Variants in LRRIQ3 observed in about 807,000 individuals in gnomAD.
LRRIQ3 encodes leucine rich repeats and IQ motif containing 3, also known as leucine-rich repeat and IQ domain-containing protein 3.
LRRIQ3 carries 75 observed loss-of-function variants against 59.3 expected under a neutral mutation model. That is an observed-to-expected ratio of 1.26 (90% confidence interval 1.05 to 1.53). The LOEUF (loss-of-function observed/expected upper bound fraction) is 1.53, where lower values mean the gene tolerates loss of function less well. Among genes scored for constraint, LRRIQ3 ranks in the 40% most tolerant of loss-of-function variants. The pLI is 0.00. For missense variants in LRRIQ3, 831 were observed against 710.0 expected (o/e 1.17, Z -1.94); for synonymous variants, 250 against 231.3 (o/e 1.08, Z -0.73).
intron 6 of LRRIQ3, among the ~76,000 whole-genome samples, chr1:74,047,441 G>T (rs182206622): frequency 2.6e-4 from 40 of 152,168 alleles, no homozygotes; most frequent in African/African-American, 8.9e-4. Flanking sequence ...GGGACCTGTT[G>T]GGGTGTGATG....
At chr1:74,168,707 T>C (rs1371149864) in intron 3 of LRRIQ3, among the ~76,000 whole-genome samples, 1 of 152,070 alleles carries the variant, frequency 6.6e-6, no homozygotes, top group Non-Finnish European at 1.5e-5. Flanking sequence ...ACTTAAACAT[T>C]TTTGGAATTC....
chr1:74,069,936 C>T (rs138432999), intron 6 of LRRIQ3, among the ~76,000 whole-genome samples: 11 of 151,576 alleles, frequency 7.3e-5, no homozygotes, highest in African/African-American at 2.7e-4. Context: ...TGCCATCTCG[C>T]ATTAGTCAGA....
intron 3 of LRRIQ3, among the ~76,000 whole-genome samples, chr1:74,163,391 A>T (rs1285897396): frequency 6.6e-6 from 1 of 151,612 alleles, no homozygotes; most frequent in Non-Finnish European, 1.5e-5. Flanking sequence ...ACTGAGGTAC[A>T]AGATGGCTGT....
At chr1:74,036,886 T>C (rs929745059) in intron 7 of LRRIQ3, among the ~76,000 whole-genome samples, 1 of 152,224 alleles carries the variant, frequency 6.6e-6, no homozygotes, top group Non-Finnish European at 1.5e-5. Context: ...ACTAAGAAGT[T>C]TACTTAGTCT....
At chr1:74,055,917 G>A (rs1654519014) in intron 6 of LRRIQ3, among the ~76,000 whole-genome samples, 1 of 151,964 alleles carries the variant, frequency 6.6e-6, no homozygotes, top group African/African-American at 2.4e-5. Flanking sequence ...GGCCGAGGTG[G>A]GCACATCACG....
chr1:74,175,190 G>A (rs889239809), intron 3 of LRRIQ3, among the ~76,000 whole-genome samples: 1 of 152,132 alleles, frequency 6.6e-6, no homozygotes, highest in Non-Finnish European at 1.5e-5. Flanking sequence ...GGTCAGGTGA[G>A]GCCAGCTGGT....
chr1:74,042,903 A>G (rs1256562227), intron 6 of LRRIQ3, among the ~76,000 whole-genome samples: 2 of 152,210 alleles, frequency 1.3e-5, no homozygotes, highest in African/African-American at 4.8e-5. Flanking sequence ...AGAGATGAGA[A>G]TGAAACCCCA....
chr1:74,107,210 C>A (rs1557618208), intron 5 of LRRIQ3, among the ~76,000 whole-genome samples: 1 of 152,008 alleles, frequency 6.6e-6, no homozygotes, highest in African/African-American at 2.4e-5. Flanking sequence ...TATTCCCAAA[C>A]AGGAGAAGAT....
rs375399678 is a variant in LRRIQ3, at chr1:74,066,876, A to C, written c.997+7785T>G. Among the ~76,000 whole-genome samples, 19 of 152,232 alleles carry C rather than the reference A, an allele frequency of 1.2e-4. No homozygotes were observed. The South Asian group carries it at 3.5e-3, about 28-fold the overall frequency. On this transcript the variant is annotated intron_variant, in intron 6 of 7. Transcript: ENST00000354431. ...AGTATAGCTAGACCATCTGAAACAT[A>C]AGCTAGCTCTAGGGATGCTAAAGCA... is the stretch of plus-strand genomic sequence containing the variant.
At chr1:74,188,408 G>A (rs1650548229) in intron 1 of LRRIQ3, among the ~76,000 whole-genome samples, 1 of 152,044 alleles carries the variant, frequency 6.6e-6, no homozygotes, top group Non-Finnish European at 1.5e-5. Context: ...ATCTATCCCT[G>A]AACTTAAAGC....
intron 5 of LRRIQ3, among the ~76,000 whole-genome samples, chr1:74,096,166 CAG>C (rs1423310070): frequency 6.6e-6 from 1 of 151,930 alleles, no homozygotes; most frequent in East Asian, 1.9e-4. Flanking sequence ...CTTAATAACC[CAG>C]AGATTTTCAT....
chr1:74,035,803 T>C (rs1275200768), intron 7 of LRRIQ3, among the ~76,000 whole-genome samples: 2 of 152,064 alleles, frequency 1.3e-5, no homozygotes, highest in Non-Finnish European at 2.9e-5. Flanking sequence ...CTGCTATAGG[T>C]ACAGGAATAT....
intron 3 of LRRIQ3, among the ~76,000 whole-genome samples, chr1:74,157,114 CT>C (rs1021830016): frequency 6.6e-6 from 1 of 152,048 alleles, no homozygotes; most frequent in African/African-American, 2.4e-5. Context: ...TTGGCTCTGT[CT>C]TTATTCTATT....
chr1:74,121,043 T>C (rs1429388223), intron 4 of LRRIQ3, among the ~76,000 whole-genome samples: 1 of 152,134 alleles, frequency 6.6e-6, no homozygotes, highest in Non-Finnish European at 1.5e-5. Flanking sequence ...ACCAACCTTA[T>C]AAAATGAATA....
In LRRIQ3 at chr1:74,125,005, AT is replaced by A. The variant is rs200162481; in HGVS notation, c.708-15453del. Among the ~76,000 whole-genome samples, 1,052 of 151,592 alleles carry A rather than the reference AT, an allele frequency of 6.9e-3. 14 individuals carry two copies. Among genetic ancestry groups the A allele is most frequent in the African/African-American group, 0.024 (1,011 of 41,428 alleles). Reference sequence around the variant, plus strand: ...CTAATCCAGGAACATATGTATTTCCATTTTTTTTGTATCCTCTTCAATTTCT... The same window carrying A: ...CTAATCCAGGAACATATGTATTTCCATTTTTTTGTATCCTCTTCAATTTCT... On this transcript the variant is annotated intron_variant, in intron 4 of 7. Transcript: ENST00000354431.
At chr1:74,143,358 G>C (rs530896472) in intron 4 of LRRIQ3, among the ~76,000 whole-genome samples, 1 of 152,006 alleles carries the variant, frequency 6.6e-6, no homozygotes, top group Non-Finnish European at 1.5e-5. Context: ...TTCCAAGATA[G>C]CATTGAAAGA....
intron 3 of LRRIQ3, among the ~76,000 whole-genome samples, chr1:74,161,957 C>T (rs1648687749): frequency 6.6e-6 from 1 of 151,786 alleles, no homozygotes; most frequent in Admixed American, 6.6e-5. Flanking sequence ...TGCATTCCCT[C>T]CATTAAAGAA....
At chr1:74,151,007 CTTTCTTTTTTTTTTTTTTTT>C (rs1647899874) in intron 4 of LRRIQ3, among the ~76,000 whole-genome samples, 1 of 118,826 alleles carries the variant, frequency 8.4e-6, no homozygotes, top group African/African-American at 3.1e-5. Flanking sequence ...TTGAATGATG[CTTTCTTTTTTTTTTTTTTTT>C]TTTTTTTTTT....
chr1:74,174,291 G>A (rs999215215), intron 3 of LRRIQ3, among the ~76,000 whole-genome samples: 1 of 150,510 alleles, frequency 6.6e-6, no homozygotes, highest in Non-Finnish European at 1.5e-5. Flanking sequence ...TCTTCTGCTT[G>A]ACTGAGTCTA....
Sources: gnomAD v4.1 joint callset for allele counts (sites outside exome capture counted in the v4.1 genomes callset) on GRCh38, gnomAD v4.1.1 for gene constraint, MANE v1.5 for transcripts, NCBI Gene and HGNC (gene_info 2026-07-23, HGNC 2026-07-21) for gene names.